Variants in GMDS observed in about 807,000 individuals in gnomAD.
GMDS encodes the protein GDP-mannose 4,6-dehydratase.
In GMDS, 20 loss-of-function variants were observed where a neutral mutation model predicts 49.9. The ratio of observed to expected loss-of-function variants is 0.40; its 90% CI spans 0.28 to 0.58. GMDS has a LOEUF of 0.58. Ranked by LOEUF, GMDS falls within the 20% of genes least tolerant of loss-of-function variation. The pLI, the probability that GMDS is intolerant of heterozygous loss-of-function variation, is 0.42. For synonymous variants in GMDS, 177 were observed against 178.6 expected (o/e 0.99, Z 0.07); for missense variants, 362 against 481.4 (o/e 0.75, Z 2.32).
chr6:1,876,077 T>C lies in GMDS; in HGVS notation c.771+54026A>G, dbSNP rs749558987. Among the ~76,000 whole-genome samples the C allele has an allele frequency of 6.6e-5, 10 of 150,506 alleles. 1 individual carries two copies. Among genetic ancestry groups the C allele is most frequent in the Middle Eastern group, 6.9e-3 (2 of 290 alleles). ...GCATAAATAATGCAGTCTTCTACTA[T>C]ATCTTCATTTTAAAAAATTATGTTA... On this transcript the variant is annotated intron_variant, in intron 7 of 10. Transcript: ENST00000380815.
chr6:1,832,513 A>G (rs1169278214), intron 7 of GMDS, among the ~76,000 whole-genome samples: 2 of 152,070 alleles, frequency 1.3e-5, no homozygotes, highest in African/African-American at 2.4e-5. Context: ...ATGTAAATGC[A>G]CTGACAGCCA....
chr6:1,810,514 C>A (rs1770372652), intron 7 of GMDS, among the ~76,000 whole-genome samples: 1 of 151,892 alleles, frequency 6.6e-6, no homozygotes, highest in South Asian at 2.1e-4. Flanking sequence ...AACTCTTGAC[C>A]TCAGGTGATC....
chr6:1,987,827 A>G (rs1765654278), intron 4 of GMDS, among the ~76,000 whole-genome samples: 1 of 152,240 alleles, frequency 6.6e-6, no homozygotes, highest in African/African-American at 2.4e-5. Context: ...GCACTAGGCC[A>G]AGTGCTTTAC....
chr6:2,225,646 T>C (rs1309921227), intron 1 of GMDS, among the ~76,000 whole-genome samples: 1 of 152,140 alleles, frequency 6.6e-6, no homozygotes, highest in African/African-American at 2.4e-5. Flanking sequence ...AGATGATCAA[T>C]ATTACAGCAC....
rs75157992 is a variant in GMDS, at chr6:1,881,197, A to G, written c.771+48906T>C. On this transcript the variant is annotated intron_variant, in intron 7 of 10. Transcript: ENST00000380815. ...TTAAAAGACCAAACACAATTAGAAA[A>G]GCAGCCTTTCCTGCAGAAATGGAAC... Among the ~76,000 whole-genome samples the G allele has an allele frequency of 8.4e-3, 1,279 of 152,308 alleles. 19 individuals carry two copies. The highest frequency in any genetic ancestry group is 0.029 in the African/African-American group (1,200 of 41,570).
chr6:1,722,130 G>C (rs1766406323), intron 9 of GMDS, among the ~76,000 whole-genome samples: 1 of 138,758 alleles, frequency 7.2e-6, no homozygotes, highest in Non-Finnish European at 1.5e-5. Context: ...GCAGTGGTGT[G>C]ATCTTGGCTC....
At position 1,934,826 on chromosome 6, in the gene GMDS, CA is replaced by C. The variant is rs1762447553; in HGVS notation, c.644-4597del. 2.6e-5 allele frequency among the ~76,000 whole-genome samples: 4 copies of C among 152,008 alleles called. No homozygotes were observed. The South Asian group carries it at 8.3e-4, about 32-fold the overall frequency. On this transcript the variant is annotated intron_variant, in intron 6 of 10. Transcript: ENST00000380815. ...TTTTAAGGAAGAAACTATATAAAAG[CA>C]TAGAACATGAGGGCTGAGACTATCC...
At chr6:2,008,520 C>T (rs1298413520) in intron 4 of GMDS, among the ~76,000 whole-genome samples, 5 of 152,096 alleles carry the variant, frequency 3.3e-5, no homozygotes, top group Non-Finnish European at 7.3e-5. Flanking sequence ...GCTCTTCTAC[C>T]CCTGAGCTGA....
intron 7 of GMDS, among the ~76,000 whole-genome samples, chr6:1,809,860 A>G (rs1266696543): frequency 6.6e-6 from 1 of 152,164 alleles, no homozygotes; most frequent in Non-Finnish European, 1.5e-5. Context: ...CCGGAGGGTG[A>G]TACGTTACAA....
chr6:1,919,208 C>T (rs1471443449), intron 7 of GMDS, among the ~76,000 whole-genome samples: 1 of 152,132 alleles, frequency 6.6e-6, no homozygotes, highest in African/African-American at 2.4e-5. Context: ...CCAAGAGAGA[C>T]CGACATGAGA....
At chr6:1,998,867 G>C (rs1483730604) in intron 4 of GMDS, among the ~76,000 whole-genome samples, 3 of 97,948 alleles carry the variant, frequency 3.1e-5, no homozygotes, top group Non-Finnish European at 6.6e-5. Context: ...TAAAAATAAA[G>C]GAAAACTGTT....
chr6:1,923,070 C>A (rs141048784), intron 7 of GMDS, among the ~76,000 whole-genome samples: 9 of 152,148 alleles, frequency 5.9e-5, no homozygotes, highest in South Asian at 4.1e-4. Context: ...CCATGTAAGA[C>A]GTGCCTTTCG....
At chr6:2,207,774 C>A (rs9503122) in intron 1 of GMDS, among the ~76,000 whole-genome samples, 1 of 151,820 alleles carries the variant, frequency 6.6e-6, no homozygotes, top group African/African-American at 2.4e-5. Flanking sequence ...AAATTACAGT[C>A]CTGCCCATTT....
At chr6:1,731,096 A>G (rs1270732924) in intron 8 of GMDS, among the ~76,000 whole-genome samples, 1 of 152,232 alleles carries the variant, frequency 6.6e-6, no homozygotes, top group Non-Finnish European at 1.5e-5. Context: ...TGTGAAACAC[A>G]GGATTTTAGA....
intron 4 of GMDS, among the ~76,000 whole-genome samples, chr6:1,982,483 C>T (rs913180618): frequency 6.6e-6 from 1 of 152,086 alleles, no homozygotes. Context: ...TCTAGAAAAC[C>T]CCATTGTCTC....
chr6:2,121,416 A>G (rs1010206251), intron 2 of GMDS, among the ~76,000 whole-genome samples: 1 of 152,218 alleles, frequency 6.6e-6, no homozygotes, highest in Non-Finnish European at 1.5e-5. Flanking sequence ...TTTAATCCTG[A>G]GCAAAATTCA....
chr6:1,786,145 G>T (rs1769310480), intron 7 of GMDS, among the ~76,000 whole-genome samples: 1 of 152,200 alleles, frequency 6.6e-6, no homozygotes, highest in Non-Finnish European at 1.5e-5. Flanking sequence ...GAAGCTCAAG[G>T]TCATATAATC....
intron 9 of GMDS, among the ~76,000 whole-genome samples, chr6:1,689,185 T>A (rs1176570490): frequency 1.3e-5 from 2 of 152,238 alleles, no homozygotes; most frequent in Non-Finnish European, 2.9e-5. Flanking sequence ...AGGAATGGCC[T>A]GTGTGGGATT....
chr6:2,146,120 G>A (rs1776546827), intron 1 of GMDS, among the ~76,000 whole-genome samples: 1 of 152,200 alleles, frequency 6.6e-6, no homozygotes, highest in African/African-American at 2.4e-5. Context: ...TTCACACCTA[G>A]CAGATTAGCC....
Sources: gnomAD v4.1 joint callset for allele counts (sites outside exome capture counted in the v4.1 genomes callset) on GRCh38, gnomAD v4.1.1 for gene constraint, MANE v1.5 for transcripts, NCBI Gene and HGNC (gene_info 2026-07-23, HGNC 2026-07-21) for gene names.